Variants in PJA2 observed in about 807,000 individuals in gnomAD.
The protein encoded by PJA2 is praja ring finger ubiquitin ligase 2, also known as E3 ubiquitin-protein ligase Praja-2.
In PJA2, 25 loss-of-function variants were observed where a neutral mutation model predicts 69.3. That is an observed-to-expected ratio of 0.36 (90% CI 0.26 to 0.50). The LOEUF (loss-of-function observed/expected upper bound fraction) is 0.50, where lower values mean the gene tolerates loss of function less well. Among genes scored for constraint, PJA2 ranks in the 20% least tolerant of loss-of-function variants. The pLI is 0.96. For synonymous variants in PJA2, 308 were observed against 277.8 expected, an observed-to-expected ratio of 1.11 and a Z score of -1.08; for missense variants, 809 against 830.2, an observed-to-expected ratio of 0.97 and a Z score of 0.31.
chr5:109,351,749 G>A (rs80304659), intron 7 of PJA2, among the ~76,000 whole-genome samples: 4,734 of 152,042 alleles, frequency 0.031, 97 homozygotes, highest in Middle Eastern at 0.048. Context: ...CTAGTATTGG[G>A]AAAATAACAG....
intron 4 of PJA2, among the ~76,000 whole-genome samples, chr5:109,373,057 G>A (rs1008786842): frequency 6.6e-6 from 1 of 152,018 alleles, no homozygotes; most frequent in African/African-American, 2.4e-5. Context: ...TTGCACCGCT[G>A]CACTCCAGCC....
intron 1 of PJA2, among the ~76,000 whole-genome samples, chr5:109,399,106 G>A (rs1486864796): frequency 6.6e-6 from 1 of 151,688 alleles, no homozygotes; most frequent in Non-Finnish European, 1.5e-5. Context: ...AGCTGCTTGG[G>A]AGGCTGAGGC....
chr5:109,388,650 C>A (rs917850906), intron 1 of PJA2, among the ~76,000 whole-genome samples: 2 of 152,184 alleles, frequency 1.3e-5, no homozygotes, highest in Non-Finnish European at 2.9e-5. Flanking sequence ...AGAAATAACT[C>A]ACTTTTAAAG....
chr5:109,403,158 TGAAAG>T (rs1335870098), intron 1 of PJA2, among the ~76,000 whole-genome samples: 1 of 151,684 alleles, frequency 6.6e-6, no homozygotes, highest in South Asian at 2.1e-4. Flanking sequence ...ATAACAAGAA[TGAAAG>T]GAAAGACACC....
intron 1 of PJA2, among the ~76,000 whole-genome samples, chr5:109,393,621 C>T (rs1747331976): frequency 6.6e-6 from 1 of 152,066 alleles, no homozygotes; most frequent in Non-Finnish European, 1.5e-5. Context: ...GCAACAAAGC[C>T]AGACCCCATC....
At chr5:109,406,407 A>G (rs954282847) in intron 1 of PJA2, among the ~76,000 whole-genome samples, 3 of 152,234 alleles carry the variant, frequency 2.0e-5, no homozygotes, top group Non-Finnish European at 4.4e-5. Context: ...AAAGGAAGAC[A>G]TACACTAGAG....
intron 1 of PJA2, among the ~76,000 whole-genome samples, chr5:109,405,491 A>C (rs566144747): frequency 6.6e-6 from 1 of 152,352 alleles, no homozygotes; most frequent in Admixed American, 6.5e-5. Context: ...TCAAGGATTC[A>C]TATTACCTAA....
chr5:109,349,647 T>A (rs911693966), intron 7 of PJA2, among the ~76,000 whole-genome samples: 2 of 152,146 alleles, frequency 1.3e-5, no homozygotes, highest in Non-Finnish European at 2.9e-5. Flanking sequence ...TTCTCTCTCA[T>A]ACAGCAAGCC....
chr5:109,348,231 G>C (rs1377031629), intron 7 of PJA2, among the ~76,000 whole-genome samples: 1 of 152,176 alleles, frequency 6.6e-6, no homozygotes, highest in East Asian at 1.9e-4. Context: ...ATTATTAAGA[G>C]TGCCCTTGTG....
intron 7 of PJA2, among the ~76,000 whole-genome samples, chr5:109,347,328 G>A (rs1344541920): frequency 6.6e-6 from 1 of 152,210 alleles, no homozygotes; most frequent in African/African-American, 2.4e-5. Context: ...AGAAGGTGCT[G>A]GAGAGACACA....
chr5:109,367,923 G>A (rs1762612371), intron 5 of PJA2, among the ~76,000 whole-genome samples: 1 of 152,256 alleles, frequency 6.6e-6, no homozygotes, highest in Non-Finnish European at 1.5e-5. Context: ...AATAGTAAAA[G>A]GTTGGAAGAC....
intron 1 of PJA2, among the ~76,000 whole-genome samples, chr5:109,392,557 T>C (rs1260631041): frequency 1.4e-5 from 1 of 71,516 alleles, no homozygotes; most frequent in East Asian, 2.5e-4. Context: ...CAAGACTCCA[T>C]CTCAAAAAAA....
At chr5:109,383,056 T>C (rs1429921652) in intron 2 of PJA2, among the ~76,000 whole-genome samples, 1 of 152,162 alleles carries the variant, frequency 6.6e-6, no homozygotes, top group Non-Finnish European at 1.5e-5. Context: ...TATTCTATTT[T>C]AAAAATTGAA....
Position 109,379,257 on chromosome 5 carries a change from T to C in PJA2, c.233-3A>G. On this transcript the variant is annotated splice_polypyrimidine_tract_variant and splice_region_variant and intron_variant, in intron 3 of 9. Transcript: ENST00000361189. ...AACTTGATCCAAAGGACTGGAACCT[T>C]CATAAAAAACAAAAGAAAACATATT... is the stretch of plus-strand genomic sequence containing the variant. 6.4e-7 allele frequency: 1 copy of C among 1,569,502 alleles called. No homozygotes were observed. The highest frequency in any genetic ancestry group is 8.6e-7 in the Non-Finnish European group (1 of 1,161,636).
chr5:109,355,973 A>G lies in PJA2; in HGVS notation c.1706T>C (p.Val569Ala). Residue 569 changes from valine (V) to alanine (A), a missense_variant, in exon 7 of 10, where the codon GTG becomes GCG. Physicochemically the swap from Val to Ala is moderately conservative, Grantham distance 64. Coordinates refer to ENST00000361189, the MANE Select transcript of PJA2 (RefSeq NM_014819.5). ...GLGVAEAISYVDPQFLTYMAL... is the reference protein window; with the variant it reads ...GLGVAEAISYADPQFLTYMAL... ...CATGTAGGTAAGGAACTGAGGATCC[A>G]CATATGAAATAGCTTCAGCAACTCC... 1.2e-6 allele frequency: 2 copies of G among 1,613,938 alleles called. No individual in the cohort carries two copies. Among genetic ancestry groups the G allele is most frequent in the Non-Finnish European group, 1.7e-6 (2 of 1,179,908 alleles).
At chr5:109,401,928 G>A (rs1747561068) in intron 1 of PJA2, among the ~76,000 whole-genome samples, 1 of 152,150 alleles carries the variant, frequency 6.6e-6, no homozygotes, top group African/African-American at 2.4e-5. Context: ...TATGGCATTT[G>A]TAAAAGGTAA....
chr5:109,409,971 CGGT>C lies in PJA2; in HGVS notation c.-220_-218del, dbSNP rs1275783300. The C allele has an allele frequency of 3.2e-5, 7 of 215,982 alleles. No individual in the cohort carries two copies. Among genetic ancestry groups the C allele is most frequent in the South Asian group, 5.5e-5 (1 of 18,222 alleles). 13.4% of individuals were successfully genotyped at this position (215,982 alleles called of 1,614,324 possible). ...CTGGCGGCTGTGGCGGCGGCGGCGG[CGGT>C]GGCGGCGGCGGAAGCAGAGGCGGTG... On this transcript the variant is annotated 5_prime_UTR_variant, in exon 1 of 10. Transcript: ENST00000361189.
At chr5:109,354,031 A>C (rs527973949) in intron 7 of PJA2, among the ~76,000 whole-genome samples, 5 of 142,096 alleles carry the variant, frequency 3.5e-5, no homozygotes, top group Non-Finnish European at 7.7e-5. Context: ...TATGATATCT[A>C]GAGATATCTA....
chr5:109,374,891 A>G (rs1221718592), intron 4 of PJA2, among the ~76,000 whole-genome samples: 2 of 152,174 alleles, frequency 1.3e-5, no homozygotes, highest in African/African-American at 4.8e-5. Context: ...TCAAACAGTT[A>G]CTAAACTTCT....
Sources: gnomAD v4.1 joint callset for allele counts (sites outside exome capture counted in the v4.1 genomes callset) on GRCh38, gnomAD v4.1.1 for gene constraint, MANE v1.5 for transcripts, NCBI Gene and HGNC (gene_info 2026-07-23, HGNC 2026-07-21) for gene names.